Variants in XKR4 observed in about 807,000 individuals in gnomAD.
The protein encoded by XKR4 is XK related 4, also known as XK-related protein 4.
XKR4 carries 12 observed loss-of-function variants against 53.9 expected under a neutral mutation model. That is an observed-to-expected ratio of 0.22 (90% CI 0.14 to 0.36). The LOEUF (loss-of-function observed/expected upper bound fraction) is 0.36, where lower values mean the gene tolerates loss of function less well. XKR4 is among the 10% of genes least tolerant of loss of function. The pLI is 1.00. For synonymous variants in XKR4, 354 were observed against 362.4 expected, an observed-to-expected ratio of 0.98 and a Z score of 0.26; for missense variants, 799 against 859.5, an observed-to-expected ratio of 0.93 and a Z score of 0.88.
intron 1 of XKR4, among the ~76,000 whole-genome samples, chr8:55,204,628 A>T (rs1226703659): frequency 1.3e-5 from 2 of 152,194 alleles, no homozygotes; most frequent in Non-Finnish European, 2.9e-5. Context: ...CACATGAACA[A>T]AAAACCTGGA....
chr8:55,315,129 T>C (rs1819452329), intron 1 of XKR4, among the ~76,000 whole-genome samples: 1 of 152,110 alleles, frequency 6.6e-6, no homozygotes. Flanking sequence ...GATACCTGAG[T>C]GGAATGGGAC....
Position 55,541,781 on chromosome 8 carries a change from G to A in XKR4, c.*17554G>A, listed in dbSNP as rs1807104437. ...GTAAATATATATATTCAAATTCCAT[G>A]TATCCAAACATCCCTTTAGCGTTCA... On this transcript the variant is annotated 3_prime_UTR_variant, in exon 3 of 3. Coordinates refer to ENST00000327381, the MANE Select transcript of XKR4 (RefSeq NM_052898.2). 6.6e-6 allele frequency: 1 copy of A among 152,118 alleles called. No individual in the cohort carries two copies. Among genetic ancestry groups the A allele is most frequent in the East Asian group, 1.9e-4 (1 of 5,198 alleles). The allele number at this position is 152,118 out of a possible 1,614,324, so 9.4% of individuals were successfully genotyped here.
intron 2 of XKR4, among the ~76,000 whole-genome samples, chr8:55,381,679 C>T (rs960599966): frequency 2.0e-5 from 3 of 152,158 alleles, no homozygotes; most frequent in African/African-American, 7.2e-5. Flanking sequence ...CCACTGAGAC[C>T]ATGGACCGAC....
At chr8:55,305,161 A>G (rs539005776) in intron 1 of XKR4, among the ~76,000 whole-genome samples, 1 of 152,294 alleles carries the variant, frequency 6.6e-6, no homozygotes, top group African/African-American at 2.4e-5. Context: ...ATACAAACTT[A>G]CATTTTAATT....
At chr8:55,493,421 T>G (rs1206669674) in intron 2 of XKR4, among the ~76,000 whole-genome samples, 1 of 152,244 alleles carries the variant, frequency 6.6e-6, no homozygotes, top group Non-Finnish European at 1.5e-5. Flanking sequence ...CACCTGCCTC[T>G]GCCATAAGCA....
intron 1 of XKR4, among the ~76,000 whole-genome samples, chr8:55,196,577 A>T (rs2129361669): frequency 6.6e-6 from 1 of 152,330 alleles, no homozygotes; most frequent in South Asian, 2.1e-4. Flanking sequence ...AAACTAAGAA[A>T]ATCAGATTGT....
At chr8:55,131,894 G>A (rs531445786) in intron 1 of XKR4, among the ~76,000 whole-genome samples, 175 of 152,308 alleles carry the variant, frequency 1.1e-3, no homozygotes, top group Non-Finnish European at 1.9e-3. Context: ...ATTTGTTACA[G>A]TGAGCATGCT....
chr8:55,435,743 A>T (rs982307355), intron 2 of XKR4, among the ~76,000 whole-genome samples: 11 of 151,882 alleles, frequency 7.2e-5, no homozygotes, highest in African/African-American at 2.4e-4. Context: ...TTTTTAAAAA[A>T]TTTTTATTGT....
intron 1 of XKR4, among the ~76,000 whole-genome samples, chr8:55,143,609 T>C (rs1255437327): frequency 6.6e-6 from 1 of 152,204 alleles, no homozygotes; most frequent in African/African-American, 2.4e-5. Context: ...GAAGAGATTA[T>C]AATTTTTCGA....
At chr8:55,521,346 T>C (rs886504508) in intron 2 of XKR4, among the ~76,000 whole-genome samples, 6 of 152,246 alleles carry the variant, frequency 3.9e-5, no homozygotes, top group African/African-American at 1.4e-4. Context: ...CCCATTACCT[T>C]TTATTTCGCA....
intron 1 of XKR4, among the ~76,000 whole-genome samples, chr8:55,110,449 C>G (rs950486125): frequency 6.6e-5 from 10 of 152,074 alleles, no homozygotes; most frequent in African/African-American, 2.4e-4. Context: ...GTGAATAGAA[C>G]CCAGGCACTA....
At chr8:55,302,862 G>C (rs1819224395) in intron 1 of XKR4, among the ~76,000 whole-genome samples, 1 of 152,234 alleles carries the variant, frequency 6.6e-6, no homozygotes, top group Non-Finnish European at 1.5e-5. Flanking sequence ...CTGAGACTTT[G>C]CTGAAGTTGC....
intron 1 of XKR4, among the ~76,000 whole-genome samples, chr8:55,277,924 A>G (rs980965817): frequency 6.6e-6 from 1 of 152,238 alleles, no homozygotes; most frequent in Non-Finnish European, 1.5e-5. Flanking sequence ...ATTTATCATT[A>G]TTGCTTATAT....
At chr8:55,409,104 A>G (rs1804738014) in intron 2 of XKR4, among the ~76,000 whole-genome samples, 2 of 152,132 alleles carry the variant, frequency 1.3e-5, no homozygotes. Context: ...TGCTGGACAT[A>G]GGACCATGAG....
At chr8:55,243,699 G>C (rs1818242443) in intron 1 of XKR4, among the ~76,000 whole-genome samples, 1 of 152,214 alleles carries the variant, frequency 6.6e-6, no homozygotes, top group Non-Finnish European at 1.5e-5. Context: ...ATAAATGAGA[G>C]TTCCTGTTGC....
chr8:55,124,333 C>T (rs1020403270), intron 1 of XKR4, among the ~76,000 whole-genome samples: 1 of 152,220 alleles, frequency 6.6e-6, no homozygotes, highest in African/African-American at 2.4e-5. Context: ...ATTCCTTCTC[C>T]CCAGCCTCTG....
chr8:55,434,463 A>G (rs1418201443), intron 2 of XKR4, among the ~76,000 whole-genome samples: 1 of 151,368 alleles, frequency 6.6e-6, no homozygotes, highest in East Asian at 1.9e-4. Context: ...GGCAATCAAG[A>G]CTGTTTAGAT....
chr8:55,494,758 G>T (rs539946449), intron 2 of XKR4, among the ~76,000 whole-genome samples: 268 of 152,250 alleles, frequency 1.8e-3, no homozygotes, highest in African/African-American at 6.1e-3. Context: ...GGCTGAGTCT[G>T]GGGTTTTTAT....
intron 1 of XKR4, among the ~76,000 whole-genome samples, chr8:55,257,914 T>C (rs1818463446): frequency 6.6e-6 from 1 of 152,214 alleles, no homozygotes; most frequent in Admixed American, 6.5e-5. Flanking sequence ...GCCTTTCTGT[T>C]GGCTTCTTCC....
Sources: gnomAD v4.1 joint callset for allele counts (sites outside exome capture counted in the v4.1 genomes callset) on GRCh38, gnomAD v4.1.1 for gene constraint, MANE v1.5 for transcripts, NCBI Gene and HGNC (gene_info 2026-07-23, HGNC 2026-07-21) for gene names.